Variants in RBFOX1 observed in about 807,000 individuals in gnomAD.
The protein encoded by RBFOX1 is RNA binding fox-1 homolog 1.
A neutral mutation model predicts 57.7 loss-of-function variants in RBFOX1; 8 were observed. The ratio of observed to expected loss-of-function variants is 0.14; its 90% CI spans 0.08 to 0.25. RBFOX1 has a LOEUF of 0.25. Ranked by LOEUF, RBFOX1 falls within the 10% of genes least tolerant of loss-of-function variation. The probability of loss-of-function intolerance (pLI) is 1.00; values close to 1 mark genes in which losing one functional copy is unlikely to be tolerated. For missense variants in RBFOX1, 611 were observed against 548.5 expected (o/e 1.11, Z -1.14); for synonymous variants, 326 against 222.4 (o/e 1.47, Z -4.15).
At chr16:6,148,903 G>A (rs2096778112) in intron 1 of RBFOX1, among the ~76,000 whole-genome samples, 1 of 151,908 alleles carries the variant, frequency 6.6e-6, no homozygotes, top group Non-Finnish European at 1.5e-5. Context: ...TCCCTGCCAC[G>A]TAATGATTCA....
At chr16:7,140,191 T>TCC (rs1555505222) in intron 4 of RBFOX1, among the ~76,000 whole-genome samples, 1 of 136,010 alleles carries the variant, frequency 7.4e-6, no homozygotes, top group Non-Finnish European at 1.6e-5. Flanking sequence ...TCTCTCTCTC[T>TCC]CTCCCTCCTT....
intron 2 of RBFOX1, among the ~76,000 whole-genome samples, chr16:5,584,430 T>C (rs1315887863): frequency 6.6e-6 from 1 of 152,220 alleles, no homozygotes; most frequent in Non-Finnish European, 1.5e-5. Context: ...CCAGACTTCT[T>C]GATGTTCCGT....
At chr16:6,861,774 G>T (rs2059041294) in intron 3 of RBFOX1, among the ~76,000 whole-genome samples, 1 of 147,120 alleles carries the variant, frequency 6.8e-6, no homozygotes, top group Non-Finnish European at 1.5e-5. Flanking sequence ...TTTGGCCAAA[G>T]TGTTTCCACG....
chr16:5,492,199 C>T (rs1197051627), intron 2 of RBFOX1, among the ~76,000 whole-genome samples: 1 of 152,204 alleles, frequency 6.6e-6, no homozygotes, highest in Non-Finnish European at 1.5e-5. Flanking sequence ...ACTACCTACT[C>T]CTCTCTGCAG....
chr16:7,666,860 C>T (rs1359483114), intron 13 of RBFOX1, among the ~76,000 whole-genome samples: 2 of 152,164 alleles, frequency 1.3e-5, no homozygotes, highest in African/African-American at 2.4e-5. Context: ...ACACATTCAT[C>T]ATGTTTGGGC....
intron 3 of RBFOX1, among the ~76,000 whole-genome samples, chr16:6,890,394 C>G (rs1022250288): frequency 2.0e-5 from 3 of 152,190 alleles, no homozygotes; most frequent in Non-Finnish European, 4.4e-5. Flanking sequence ...TGGTGGGCAC[C>G]TGTAGTCCCA....
In RBFOX1 at chr16:7,021,462, A is replaced by G. The variant is rs902632597; in HGVS notation, c.-15-30595A>G. On this transcript the variant is annotated intron_variant, in intron 3 of 15. Coordinates refer to ENST00000550418, the MANE Select transcript of RBFOX1 (RefSeq NM_018723.4). ...TTTTATATATCAGTATTAATTTTTA[A>G]TATAATTTATATTGTATATATTTTA... Among the ~76,000 whole-genome samples, 10 of 145,236 alleles carry G rather than the reference A, an allele frequency of 6.9e-5. No homozygotes were observed. The South Asian group carries it at 1.1e-3, about 15-fold the overall frequency.
At chr16:6,978,976 G>A (rs2087882076) in intron 3 of RBFOX1, among the ~76,000 whole-genome samples, 1 of 152,298 alleles carries the variant, frequency 6.6e-6, no homozygotes, top group African/African-American at 2.4e-5. Context: ...CCTGTGCTAA[G>A]GCAGGCAAAC....
chr16:7,676,071 T>A (rs1012538134), intron 13 of RBFOX1, among the ~76,000 whole-genome samples: 2 of 152,226 alleles, frequency 1.3e-5, no homozygotes, highest in African/African-American at 4.8e-5. Context: ...TCTTTTCAGA[T>A]TTTTTCTGTT....
chr16:7,490,489 G>A (rs1391862365), intron 4 of RBFOX1, among the ~76,000 whole-genome samples: 1 of 152,138 alleles, frequency 6.6e-6, no homozygotes, highest in Non-Finnish European at 1.5e-5. Context: ...TTAATTAGAG[G>A]GGTTGAGTCT....
At chr16:6,517,340 C>G (rs1426553350) in intron 2 of RBFOX1, among the ~76,000 whole-genome samples, 1 of 152,182 alleles carries the variant, frequency 6.6e-6, no homozygotes, top group Non-Finnish European at 1.5e-5. Context: ...GCATCCTGAT[C>G]CGAATACATC....
intron 2 of RBFOX1, among the ~76,000 whole-genome samples, chr16:6,568,122 A>G (rs760837708): frequency 3.3e-5 from 5 of 152,176 alleles, no homozygotes; most frequent in Non-Finnish European, 7.3e-5. Context: ...TTAGTTATCT[A>G]ATACCATGTA....
At chr16:6,560,174 C>CAAAAAA (rs5815323) in intron 2 of RBFOX1, among the ~76,000 whole-genome samples, 2 of 121,452 alleles carry the variant, frequency 1.6e-5, no homozygotes, top group Non-Finnish European at 1.7e-5. Flanking sequence ...TGCCATTTAT[C>CAAAAAA]AAAAAAAAAA....
intron 3 of RBFOX1, among the ~76,000 whole-genome samples, chr16:7,017,150 A>C (rs922381868): frequency 6.6e-6 from 1 of 152,178 alleles, no homozygotes; most frequent in African/African-American, 2.4e-5. Context: ...ACAGCTGTTA[A>C]GGTGCAAACA....
chr16:5,459,645 C>T (rs1027709106), intron 1 of RBFOX1, among the ~76,000 whole-genome samples: 4 of 152,054 alleles, frequency 2.6e-5, no homozygotes, highest in Admixed American at 1.3e-4. Context: ...TAAGAATCGT[C>T]CTTCACCAAA....
At chr16:7,092,861 C>G (rs2061092325) in intron 4 of RBFOX1, among the ~76,000 whole-genome samples, 1 of 152,146 alleles carries the variant, frequency 6.6e-6, no homozygotes, top group Non-Finnish European at 1.5e-5. Context: ...GGGACATCCG[C>G]CTTTTCACAG....
chr16:6,376,105 A>C (rs1026671743), intron 2 of RBFOX1, among the ~76,000 whole-genome samples: 1 of 152,178 alleles, frequency 6.6e-6, no homozygotes, highest in African/African-American at 2.4e-5. Context: ...TTCTTCTTTT[A>C]CAATGAGCTC....
At chr16:7,261,229 T>A (rs1396362780) in intron 4 of RBFOX1, among the ~76,000 whole-genome samples, 1 of 152,220 alleles carries the variant, frequency 6.6e-6, no homozygotes, top group African/African-American at 2.4e-5. Context: ...AGCCTTAGCT[T>A]TCAACTTTGT....
At chr16:5,492,646 T>G (rs2042871044) in intron 2 of RBFOX1, among the ~76,000 whole-genome samples, 1 of 152,218 alleles carries the variant, frequency 6.6e-6, no homozygotes, top group Admixed American at 6.5e-5. Context: ...GTGAGTCGTT[T>G]GGATGAAATG....
Sources: gnomAD v4.1 joint callset for allele counts (sites outside exome capture counted in the v4.1 genomes callset) on GRCh38, gnomAD v4.1.1 for gene constraint, MANE v1.5 for transcripts, NCBI Gene and HGNC (gene_info 2026-07-23, HGNC 2026-07-21) for gene names.